Variants in PFKFB3 observed in about 807,000 individuals in gnomAD.
PFKFB3 encodes 6-phosphofructo-2-kinase/fructose-2,6-biphosphatase 3.
A neutral mutation model predicts 68.0 loss-of-function variants in PFKFB3; 33 were observed. The ratio of observed to expected loss-of-function variants is 0.49; its 90% confidence interval spans 0.37 to 0.65. The LOEUF (loss-of-function observed/expected upper bound fraction) is 0.65, where lower values mean the gene tolerates loss of function less well. Among genes scored for constraint, PFKFB3 ranks in the 30% least tolerant of loss-of-function variants. The probability of loss-of-function intolerance (pLI) is 0.00; values close to 1 mark genes in which losing one functional copy is unlikely to be tolerated. For synonymous variants in PFKFB3, 315 were observed against 288.2 expected (o/e 1.09, Z -0.94); for missense variants, 586 against 712.2 (o/e 0.82, Z 2.02).
intron 1 of PFKFB3, 98 bp from the exon 2 acceptor site, chr10:6,213,523 ATT>A: frequency 1.4e-6 from 2 of 1,415,678 alleles, no homozygotes; most frequent in Non-Finnish European, 1.9e-6. Context: ...TCTCAAAAAC[ATT>A]TTTGGTGAAA....
chr10:6,286,839 A>C, the PFKFB3 span, among the ~76,000 whole-genome samples: 1 of 151,942 alleles, frequency 6.6e-6, no homozygotes, highest in South Asian at 2.1e-4. Flanking sequence ...ATCTGGTTTT[A>C]ATTGAGCATC....
intron 14 of PFKFB3, among the ~76,000 whole-genome samples, chr10:6,227,018 G>A (rs1404300192): frequency 2.0e-5 from 3 of 152,126 alleles, no homozygotes; most frequent in Admixed American, 6.5e-5. Context: ...CCCAGGAGGC[G>A]GAGGTTGCAG....
the PFKFB3 span, among the ~76,000 whole-genome samples, chr10:6,303,353 C>T: frequency 2.6e-5 from 4 of 152,110 alleles, no homozygotes; most frequent in Non-Finnish European, 5.9e-5. Flanking sequence ...AATATGAGCA[C>T]ATGGTGCAAT....
Position 6,233,083 on chromosome 10 carries a change from C to A in PFKFB3, c.*141C>A, listed in dbSNP as rs980637453. On this transcript the variant is annotated 3_prime_UTR_variant, in exon 15 of 15. Coordinates refer to ENST00000379775, the MANE Select transcript of PFKFB3 (RefSeq NM_004566.4). ...GCGGGGGAGCCTTGGCCGAAGAGAA[C>A]CATGCTTGGCACCGTCTGTGTCCCC... is the stretch of plus-strand genomic sequence containing the variant. 4 of 698,986 alleles carry A rather than the reference C, an allele frequency of 5.7e-6. No homozygotes were observed. Among genetic ancestry groups the A allele is most frequent in the Non-Finnish European group, 1.0e-5 (4 of 393,538 alleles). The allele number at this position is 698,986 out of a possible 1,614,324, so 43.3% of individuals were successfully genotyped here.
At chr10:6,148,176 G>A (rs1841458127) in intron 1 of PFKFB3, among the ~76,000 whole-genome samples, 1 of 152,222 alleles carries the variant, frequency 6.6e-6, no homozygotes, top group African/African-American at 2.4e-5. Flanking sequence ...AGGGGAGTCA[G>A]AAGTCCAAAT....
chr10:6,295,619 T>C, the PFKFB3 span, among the ~76,000 whole-genome samples: 1 of 152,086 alleles, frequency 6.6e-6, no homozygotes, highest in Non-Finnish European at 1.5e-5. Context: ...CATTCTTTAC[T>C]TTTCTGATCA....
At chr10:6,192,435 A>AATATGAGG (rs1250006326) in intron 1 of PFKFB3, among the ~76,000 whole-genome samples, 4 of 148,570 alleles carry the variant, frequency 2.7e-5, no homozygotes, top group African/African-American at 1.0e-4. Context: ...AGAAGGAAGA[A>AATATGAGG]ATATGAGGGG....
intron 14 of PFKFB3, among the ~76,000 whole-genome samples, chr10:6,245,094 G>A (rs1054521893): frequency 8.5e-5 from 13 of 152,090 alleles, no homozygotes; most frequent in Non-Finnish European, 1.6e-4. Context: ...TTGTGGTCTA[G>A]CTCTCTTATT....
chr10:6,236,869 A>T (rs1051420201), downstream of PFKFB3, among the ~76,000 whole-genome samples: 1 of 152,232 alleles, frequency 6.6e-6, no homozygotes, highest in Non-Finnish European at 1.5e-5. Flanking sequence ...GGCTAGGTCC[A>T]CAGTCACTGA....
the PFKFB3 span, among the ~76,000 whole-genome samples, chr10:6,286,776 T>C: frequency 2.6e-5 from 4 of 152,270 alleles, no homozygotes; most frequent in African/African-American, 7.2e-5. Context: ...TATTTTGTAT[T>C]GATTGCCTCA....
At chr10:6,227,980 C>T (rs1483984259) in intron 14 of PFKFB3, among the ~76,000 whole-genome samples, 2 of 152,192 alleles carry the variant, frequency 1.3e-5, no homozygotes, top group East Asian at 1.9e-4. Flanking sequence ...CTGAGCTGCA[C>T]AGACCTCCGT....
intron 3 of PFKFB3, 106 bp from the exon 4 acceptor site, chr10:6,216,019 A>G: frequency 9.6e-7 from 1 of 1,039,366 alleles, no homozygotes; most frequent in Admixed American, 1.7e-5. Flanking sequence ...GCAGTGTAGA[A>G]TGGAACCACC....
chr10:6,272,656 T>C, the PFKFB3 span, among the ~76,000 whole-genome samples: 2 of 152,114 alleles, frequency 1.3e-5, no homozygotes, highest in South Asian at 4.2e-4. Context: ...GATCGTGCCA[T>C]TGAACTCCAG....
At chr10:6,189,349 T>C (rs1048668520) in intron 1 of PFKFB3, among the ~76,000 whole-genome samples, 1 of 152,152 alleles carries the variant, frequency 6.6e-6, no homozygotes, top group Admixed American at 6.6e-5. Context: ...CCTTAGTTTT[T>C]AGAAAATAAG....
chr10:6,150,493 G>A (rs951078465), intron 1 of PFKFB3, among the ~76,000 whole-genome samples: 5 of 151,396 alleles, frequency 3.3e-5, no homozygotes, highest in Admixed American at 1.3e-4. Flanking sequence ...GCGTGGTGGT[G>A]GGCGCCTGTA....
At chr10:6,206,844 G>C (rs112130402) in intron 1 of PFKFB3, among the ~76,000 whole-genome samples, 8 of 10,976 alleles carry the variant, frequency 7.3e-4, no homozygotes, top group African/African-American at 1.1e-3. Context: ...CAGACGGGGT[G>C]GCGGCCGGGC....
intron 1 of PFKFB3, among the ~76,000 whole-genome samples, chr10:6,168,746 A>C (rs1842212454): frequency 1.3e-5 from 2 of 152,028 alleles, no homozygotes; most frequent in South Asian, 4.2e-4. Flanking sequence ...GCAGGTGCCG[A>C]GTGTATTTGC....
intron 1 of PFKFB3, among the ~76,000 whole-genome samples, chr10:6,165,006 C>T (rs1410184069): frequency 6.6e-6 from 1 of 151,702 alleles, no homozygotes; most frequent in Non-Finnish European, 1.5e-5. Context: ...AAAGAGGCCC[C>T]CTCTCTTTCA....
rs1160716491 is a variant in PFKFB3, at chr10:6,220,900, T to C, written c.831+35T>C. On this transcript the variant is annotated intron_variant, in intron 8 of 14. Coordinates refer to ENST00000379775, the MANE Select transcript of PFKFB3 (RefSeq NM_004566.4). The surrounding 1 kb of genome is among the most constrained non-coding windows in gnomAD (Gnocchi z 4.1). ...GTGCTGCCGCATGGGCCGTTCTGGC[T>C]GTAGGGCGGTTGCAGGGTCTATAGG... 5 of 1,595,072 alleles carry C rather than the reference T, an allele frequency of 3.1e-6. No individual in the cohort carries two copies. The highest frequency in any genetic ancestry group is 1.1e-5 in the South Asian group (1 of 90,804).
Sources: gnomAD v4.1 joint callset for allele counts (sites outside exome capture counted in the v4.1 genomes callset) on GRCh38, gnomAD v4.1.1 for gene constraint, Gnocchi (gnomAD v3.1) non-coding constraint, MANE v1.5 for transcripts, NCBI Gene and HGNC (gene_info 2026-07-23, HGNC 2026-07-21) for gene names.